Variants in ERBB4 observed in about 807,000 individuals in gnomAD.
ERBB4 encodes erb-b2 receptor tyrosine kinase 4.
Under a neutral mutation model 158.0 loss-of-function variants are expected in ERBB4, and 42 were observed. The observed-to-expected ratio is 0.27, with a 90% CI of 0.21 to 0.34. The LOEUF is 0.34. Among genes scored for constraint, ERBB4 ranks in the 10% least tolerant of loss-of-function variants. The probability of loss-of-function intolerance (pLI) is 1.00; values close to 1 mark genes in which losing one functional copy is unlikely to be tolerated. For missense variants in ERBB4, 1,333 were observed against 1,624.1 expected, an observed-to-expected ratio of 0.82 and a Z score of 3.08; for synonymous variants, 583 against 558.7, an observed-to-expected ratio of 1.04 and a Z score of -0.61.
intron 1 of ERBB4, among the ~76,000 whole-genome samples, chr2:212,220,244 T>G (rs914042806): frequency 6.6e-6 from 1 of 151,452 alleles, no homozygotes; most frequent in African/African-American, 2.4e-5. Flanking sequence ...TATAAGAATA[T>G]GTACTCATTA....
At chr2:212,265,964 G>A (rs180802557) in intron 1 of ERBB4, among the ~76,000 whole-genome samples, 64 of 152,084 alleles carry the variant, frequency 4.2e-4, no homozygotes, top group African/African-American at 1.4e-3. Flanking sequence ...GAGCCACCTC[G>A]CTAATCGGTC....
At chr2:212,210,213 CAAAAAA>C (rs58137267) in intron 1 of ERBB4, among the ~76,000 whole-genome samples, 77 of 135,598 alleles carry the variant, frequency 5.7e-4, no homozygotes, top group South Asian at 3.2e-3. Context: ...AATGCTAGTG[CAAAAAA>C]AAAAAAAAAA....
intron 3 of ERBB4, among the ~76,000 whole-genome samples, chr2:211,820,189 C>G (rs1165598098): frequency 1.3e-5 from 2 of 151,806 alleles, no homozygotes; most frequent in Non-Finnish European, 2.9e-5. Flanking sequence ...AATGGAATAT[C>G]TAATGAAAAA....
At chr2:211,807,811 C>T (rs1201587174) in intron 3 of ERBB4, among the ~76,000 whole-genome samples, 4 of 152,278 alleles carry the variant, frequency 2.6e-5, no homozygotes, top group East Asian at 3.9e-4. Flanking sequence ...TTTTAATGAT[C>T]TCCATTGTAA....
At chr2:211,572,731 G>C (rs1031364751) in intron 19 of ERBB4, among the ~76,000 whole-genome samples, 3 of 152,188 alleles carry the variant, frequency 2.0e-5, no homozygotes, top group African/African-American at 7.2e-5. Context: ...CTTTTATAAA[G>C]ACTCTTTTGC....
chr2:212,391,701 A>G (rs896185805), intron 1 of ERBB4, among the ~76,000 whole-genome samples: 2 of 94,992 alleles, frequency 2.1e-5, no homozygotes, highest in Non-Finnish European at 4.8e-5. Flanking sequence ...TATATTATAT[A>G]TTATATATAT....
chr2:211,713,760 T>C, intron 7 of ERBB4, 112 bp from the exon 8 acceptor site: 1 of 695,128 alleles, frequency 1.4e-6, no homozygotes, highest in Non-Finnish European at 2.6e-6. Context: ...TGATAGTGTT[T>C]ATGTATCTTA....
intron 3 of ERBB4, among the ~76,000 whole-genome samples, chr2:211,881,444 C>T (rs1483860464): frequency 6.6e-6 from 1 of 152,112 alleles, no homozygotes; most frequent in Non-Finnish European, 1.5e-5. Flanking sequence ...CTGGCAGCTG[C>T]GCCAATAGAG....
At chr2:211,439,625 G>T (rs574515097) in intron 20 of ERBB4, among the ~76,000 whole-genome samples, 1 of 152,118 alleles carries the variant, frequency 6.6e-6, no homozygotes, top group Non-Finnish European at 1.5e-5. Context: ...CGTGCACTAG[G>T]TATCACCTTT....
At chr2:211,721,924 A>T (rs938112958) in intron 7 of ERBB4, among the ~76,000 whole-genome samples, 1 of 152,056 alleles carries the variant, frequency 6.6e-6, no homozygotes, top group Non-Finnish European at 1.5e-5. Flanking sequence ...GTACAGTGGC[A>T]CCGTCTCGGC....
intron 20 of ERBB4, among the ~76,000 whole-genome samples, chr2:211,558,551 T>C (rs1475074901): frequency 6.6e-6 from 1 of 152,206 alleles, no homozygotes. Context: ...GGTAAGATAT[T>C]ATTCAACCTA....
intron 2 of ERBB4, among the ~76,000 whole-genome samples, chr2:212,000,238 T>C (rs1037665217): frequency 1.3e-5 from 2 of 151,834 alleles, no homozygotes; most frequent in Admixed American, 1.3e-4. Flanking sequence ...AATCCTCAGA[T>C]AATACAGCCC....
intron 2 of ERBB4, among the ~76,000 whole-genome samples, chr2:212,053,736 G>A (rs965855603): frequency 6.6e-5 from 10 of 152,080 alleles, no homozygotes; most frequent in African/African-American, 2.4e-4. Flanking sequence ...GACTCCCCAA[G>A]CTATCTCTCC....
At chr2:211,499,191 T>C (rs886389352) in intron 20 of ERBB4, among the ~76,000 whole-genome samples, 3 of 152,074 alleles carry the variant, frequency 2.0e-5, no homozygotes, top group Non-Finnish European at 4.4e-5. Flanking sequence ...ATACTTAAAC[T>C]CCCTTTTTAT....
intron 1 of ERBB4, among the ~76,000 whole-genome samples, chr2:212,159,104 G>A (rs548370503): frequency 1.4e-4 from 22 of 151,986 alleles, no homozygotes; most frequent in East Asian, 5.8e-4. Flanking sequence ...GAAAGTTTAC[G>A]AAAGAGTAAA....
rs1240384763 is a variant in ERBB4, at chr2:211,380,945, C to T, written c.*2670G>A. ...TAGAAACCATATGCATATTGTAAAT[C>T]AGAAAAAAAAAATCAAGGTATAGTA... is the stretch of plus-strand genomic sequence containing the variant. On this transcript the variant is annotated 3_prime_UTR_variant, in exon 28 of 28. Transcript: ENST00000342788. 1 of 230,378 alleles carries T rather than the reference C, an allele frequency of 4.3e-6. No individual in the cohort carries two copies. The highest frequency in any genetic ancestry group is 5.7e-5 in the Admixed American group (1 of 17,616). 14.3% of individuals were successfully genotyped at this position (230,378 alleles called of 1,614,324 possible).
intron 1 of ERBB4, among the ~76,000 whole-genome samples, chr2:212,366,972 T>C (rs894137056): frequency 6.6e-6 from 1 of 151,972 alleles, no homozygotes; most frequent in Non-Finnish European, 1.5e-5. Context: ...TGTGACTGTA[T>C]TTGAATACAG....
At chr2:212,306,870 A>G (rs1330326278) in intron 1 of ERBB4, among the ~76,000 whole-genome samples, 1 of 151,092 alleles carries the variant, frequency 6.6e-6, no homozygotes, top group Non-Finnish European at 1.5e-5. Context: ...ATAAAAACCA[A>G]TTAAAATTAC....
In ERBB4 at chr2:211,972,275, C is replaced by A. The variant is rs148755740; in HGVS notation, c.235-24659G>T. 1.2e-3 allele frequency among the ~76,000 whole-genome samples: 179 copies of A among 152,290 alleles called. 1 individual carries two copies. Among genetic ancestry groups the A allele is most frequent in the Middle Eastern group, 0.01 (3 of 294 alleles). ...GAGATGACACAAACAAATAGAAAAA[C>A]ATTCCATGCTCATGGATAGGAAGAA... On this transcript the variant is annotated intron_variant, in intron 2 of 27. Coordinates refer to ENST00000342788, the MANE Select transcript of ERBB4 (RefSeq NM_005235.3).
Sources: gnomAD v4.1 joint callset for allele counts (sites outside exome capture counted in the v4.1 genomes callset) on GRCh38, gnomAD v4.1.1 for gene constraint, MANE v1.5 for transcripts, NCBI Gene and HGNC (gene_info 2026-07-23, HGNC 2026-07-21) for gene names.